The following SCGB2B2 variants were observed in gnomAD, a reference collection of about 807,000 sequenced individuals.
The protein encoded by SCGB2B2 is secretoglobin-like protein.
Under a neutral mutation model 7.6 loss-of-function variants are expected in SCGB2B2, and 11 were observed. The ratio of observed to expected loss-of-function variants is 1.45; its 90% CI spans 0.91 to 2.40. The LOEUF (loss-of-function observed/expected upper bound fraction) is 2.40, where lower values mean the gene tolerates loss of function less well. SCGB2B2 is among the 30% of genes most tolerant of loss of function. The pLI is 0.00. For synonymous variants in SCGB2B2, 50 were observed against 48.6 expected, an observed-to-expected ratio of 1.03 and a Z score of -0.12; for missense variants, 104 against 115.4, an observed-to-expected ratio of 0.90 and a Z score of 0.45.
rs2145728736 is a variant in SCGB2B2, at chr19:34,592,891, C to A, written c.*664G>T. On this transcript the variant is annotated 3_prime_UTR_variant, in exon 4 of 4. Coordinates refer to ENST00000601241, the MANE Select transcript of SCGB2B2 (RefSeq NM_001025591.4). Reference sequence around the variant, plus strand: ...AGCCAGGAGGGTGTGATTTCCCAGCCTCCAGCATCCCGAGTCCTGGGGAGC... The same window carrying A: ...AGCCAGGAGGGTGTGATTTCCCAGCATCCAGCATCCCGAGTCCTGGGGAGC... Among the ~76,000 whole-genome samples the A allele has an allele frequency of 6.6e-6, 1 of 152,250 alleles. No individual in the cohort carries two copies. The highest frequency in any genetic ancestry group is 1.5e-5 in the Non-Finnish European group (1 of 68,022).
chr19:34,660,676 GA>G (rs1227475616), intron 1 of SCGB2B2, among the ~76,000 whole-genome samples: 1 of 152,230 alleles, frequency 6.6e-6, no homozygotes, highest in Non-Finnish European at 1.5e-5. Flanking sequence ...ATTGTTGGTT[GA>G]AGAGTAAATT....
chr19:34,634,325 C>G lies in SCGB2B2; in HGVS notation c.-2031-37731G>C, dbSNP rs562646080. ...CGGAGGGAGTACAGAGGTCTGCCTT[C>G]ACTGAGCACCCTGGGTAACCTAAGG... On this transcript the variant is annotated intron_variant, in intron 1 of 3. Coordinates refer to ENST00000601241, the MANE Select transcript of SCGB2B2 (RefSeq NM_001025591.4). Among the ~76,000 whole-genome samples, 16 of 152,254 alleles carry G rather than the reference C, an allele frequency of 1.1e-4. No individual in the cohort carries two copies. In the South Asian group the frequency reaches 3.1e-3, roughly 30 times the overall value.
At chr19:34,672,228 AT>A (rs11372781) in intron 1 of SCGB2B2, among the ~76,000 whole-genome samples, 248 of 146,092 alleles carry the variant, frequency 1.7e-3, no homozygotes, top group African/African-American at 2.4e-3. Flanking sequence ...TTTTTCTCAC[AT>A]TTTTTTTTTT....
chr19:34,665,212 G>A (rs903991337), intron 1 of SCGB2B2, among the ~76,000 whole-genome samples: 3 of 152,228 alleles, frequency 2.0e-5, no homozygotes, highest in African/African-American at 7.2e-5. Context: ...CTGGCTGGCT[G>A]CATCTGTTGT....
intron 1 of SCGB2B2, among the ~76,000 whole-genome samples, chr19:34,611,498 ATATGT>A (rs2065926177): frequency 6.6e-6 from 1 of 151,948 alleles, no homozygotes; most frequent in South Asian, 2.1e-4. Flanking sequence ...ATAGATGTTG[ATATGT>A]TGTGTTGGTT....
intron 1 of SCGB2B2, among the ~76,000 whole-genome samples, chr19:34,598,280 G>A (rs762583915): frequency 2.6e-5 from 4 of 152,190 alleles, no homozygotes; most frequent in Non-Finnish European, 5.9e-5. Context: ...CTGGGCTGCA[G>A]CAGAGCGTGG....
chr19:34,670,840 G>GT (rs1361398685), intron 1 of SCGB2B2, among the ~76,000 whole-genome samples: 1 of 152,144 alleles, frequency 6.6e-6, no homozygotes, highest in African/African-American at 2.4e-5. Flanking sequence ...CTTAATGAAG[G>GT]TTTCATATAT....
At chr19:34,627,220 C>G (rs2066403750) in intron 1 of SCGB2B2, among the ~76,000 whole-genome samples, 1 of 152,154 alleles carries the variant, frequency 6.6e-6, no homozygotes, top group Non-Finnish European at 1.5e-5. Context: ...AAATAACCAG[C>G]TAACATCATA....
At position 34,594,652 on chromosome 19, in the gene SCGB2B2, CGTGTGTGTGTGTGTGT is replaced by C. The variant is rs3055684; in HGVS notation, c.-105_-90del. 0.14 allele frequency: 94,732 copies of C among 657,850 alleles called. 3,075 individuals are homozygous for C. The highest frequency in any genetic ancestry group is 0.23 in the East Asian group (7,581 of 33,484). The allele number at this position is 657,850 out of a possible 1,614,324, so 40.8% of individuals were successfully genotyped here. On this transcript the variant is annotated 5_prime_UTR_variant, in exon 2 of 4. It removes the in-frame stop codon of an upstream open reading frame in the 5' UTR. Coordinates refer to ENST00000601241, the MANE Select transcript of SCGB2B2 (RefSeq NM_001025591.4). The stretch of plus-strand genomic sequence containing the variant: ...TATCTGAACAAGGCACATGCCTCTT[CGTGTGTGTGTGTGTGT>C]GTGTGTGTGTGTGTGTGTGTGTGTG...
At chr19:34,645,689 C>A in intron 1 of SCGB2B2, 2 of 423,514 alleles carry the variant, frequency 4.7e-6, no homozygotes, top group South Asian at 2.0e-5. Context: ...CGCCTGTGCT[C>A]TTCTGCTGGC....
At chr19:34,641,289 A>G (rs2066833324) in intron 1 of SCGB2B2, among the ~76,000 whole-genome samples, 1 of 152,216 alleles carries the variant, frequency 6.6e-6, no homozygotes, top group Admixed American at 6.5e-5. Flanking sequence ...GTATGCAGAC[A>G]TCCATTGTGC....
In SCGB2B2 at chr19:34,590,728, G is replaced by A. The variant is rs748615397; in HGVS notation, c.*2827C>T. ...ACATATCATTAAGAATAACAGAGTC[G>A]TAAGCATTTTAGTTAAAGTAAACTC... On this transcript the variant is annotated 3_prime_UTR_variant, in exon 4 of 4. Coordinates refer to ENST00000601241, the MANE Select transcript of SCGB2B2 (RefSeq NM_001025591.4). Among the ~76,000 whole-genome samples the A allele has an allele frequency of 2.1e-5, 3 of 142,998 alleles. No homozygotes were observed. Among genetic ancestry groups the A allele is most frequent in the Admixed American group, 7.2e-5 (1 of 13,828 alleles). The allele number at this position is 142,998 out of a possible 152,430, so 93.8% of individuals were successfully genotyped here.
intron 1 of SCGB2B2, among the ~76,000 whole-genome samples, chr19:34,656,467 G>C (rs765239541): frequency 1.1e-4 from 16 of 151,058 alleles, no homozygotes; most frequent in Admixed American, 4.6e-4. Context: ...GCCAGATGTG[G>C]TGGCACCCAC....
chr19:34,597,352 G>C (rs117574585), intron 1 of SCGB2B2, among the ~76,000 whole-genome samples: 2 of 143,700 alleles, frequency 1.4e-5, no homozygotes, highest in Non-Finnish European at 3.1e-5. Flanking sequence ...GCCAGGGCCA[G>C]GGCAAGCTTG....
At chr19:34,672,017 C>A (rs529104967) in intron 1 of SCGB2B2, among the ~76,000 whole-genome samples, 31 of 152,258 alleles carry the variant, frequency 2.0e-4, no homozygotes, top group South Asian at 4.1e-4. Context: ...GGTGCACTCC[C>A]ATATTCCAAA....
chr19:34,667,185 C>T (rs2067653080), intron 1 of SCGB2B2, among the ~76,000 whole-genome samples: 1 of 152,164 alleles, frequency 6.6e-6, no homozygotes, highest in African/African-American at 2.4e-5. Flanking sequence ...AGCAATGTCC[C>T]TGCAGACGGG....
intron 1 of SCGB2B2, among the ~76,000 whole-genome samples, chr19:34,650,851 T>G (rs1246551940): frequency 6.6e-6 from 1 of 151,192 alleles, no homozygotes; most frequent in Non-Finnish European, 1.5e-5. Flanking sequence ...GCAAACATTC[T>G]CCACAAAATA....
At chr19:34,588,003 C>T (rs1474419799), downstream of SCGB2B2, among the ~76,000 whole-genome samples, 1 of 152,116 alleles carries the variant, frequency 6.6e-6, no homozygotes, top group Admixed American at 6.5e-5. Context: ...TTGTTGTGTC[C>T]TTCCCTGAGT....
At chr19:34,637,604 CATA>C (rs2066721556) in intron 1 of SCGB2B2, 1 of 162,902 alleles carries the variant, frequency 6.1e-6, no homozygotes, top group Non-Finnish European at 1.4e-5. Context: ...CAGGCAAAAT[CATA>C]AAAAAAAAAT....
Sources: allele counts gnomAD v4.1 joint callset (sites outside exome capture counted in the v4.1 genomes callset), GRCh38; gene constraint gnomAD v4.1.1; transcripts MANE v1.5; gene names NCBI Gene and HGNC (gene_info 2026-07-23, HGNC 2026-07-21).